Variants in NBAS observed in about 807,000 individuals in gnomAD.
NBAS encodes NAG/BC035112 fusion.
Under a neutral mutation model 302.5 loss-of-function variants are expected in NBAS, and 219 were observed. The ratio of observed to expected loss-of-function variants is 0.72; its 90% CI spans 0.65 to 0.81. The LOEUF (loss-of-function observed/expected upper bound fraction) is 0.81. NBAS is among the 30% of genes least tolerant of loss of function. The probability of loss-of-function intolerance (pLI) is 0.00; values close to 1 mark genes in which losing one functional copy is unlikely to be tolerated. For missense variants in NBAS, 2,932 were observed against 2,841.6 expected, an observed-to-expected ratio of 1.03 and a Z score of -0.72; for synonymous variants, 1,118 against 1,021.6, an observed-to-expected ratio of 1.09 and a Z score of -1.80.
At chr2:14,834,296 A>G in the NBAS span, among the ~76,000 whole-genome samples, 1 of 152,142 alleles carries the variant, frequency 6.6e-6, no homozygotes, top group African/African-American at 2.4e-5. Context: ...GAACAACCCC[A>G]TCTTTGCTGT....
At chr2:14,889,226 G>A in the NBAS span, among the ~76,000 whole-genome samples, 16 of 152,198 alleles carry the variant, frequency 1.1e-4, no homozygotes, top group Non-Finnish European at 1.5e-4. Context: ...AAGAACAGCA[G>A]CATCCTGTTT....
intron 42 of NBAS, 83 bp from the exon 43 acceptor site, chr2:15,277,184 T>C (rs773153263): frequency 6.6e-6 from 10 of 1,507,004 alleles, no homozygotes; most frequent in Admixed American, 3.9e-5. Context: ...GAAGAAACAC[T>C]ACTTCTTATA....
At chr2:15,538,504 T>C in intron 7 of NBAS, 1 of 253,174 alleles carries the variant, frequency 3.9e-6, no homozygotes, top group South Asian at 4.4e-5. Flanking sequence ...TCTCTGTGAG[T>C]AGCGCCTGGG....
At chr2:15,232,182 T>C (rs1160871977) in intron 47 of NBAS, among the ~76,000 whole-genome samples, 1 of 152,152 alleles carries the variant, frequency 6.6e-6, no homozygotes, top group Non-Finnish European at 1.5e-5. Context: ...ATGATGATTA[T>C]TATTTCTAAT....
the NBAS span, among the ~76,000 whole-genome samples, chr2:14,905,954 T>C: frequency 6.6e-6 from 1 of 152,230 alleles, no homozygotes; most frequent in Non-Finnish European, 1.5e-5. Flanking sequence ...GTCAGCTGCA[T>C]ACACTGATGA....
intron 44 of NBAS, among the ~76,000 whole-genome samples, chr2:15,267,681 A>C (rs1669140694): frequency 1.3e-5 from 2 of 152,224 alleles, no homozygotes; most frequent in South Asian, 4.1e-4. Context: ...TGTATATACC[A>C]AAAATTATAA....
intron 38 of NBAS, among the ~76,000 whole-genome samples, chr2:15,319,680 C>T (rs1168086530): frequency 6.6e-6 from 1 of 152,064 alleles, no homozygotes; most frequent in Non-Finnish European, 1.5e-5. Context: ...CATACACCCT[C>T]CCAAGACTAA....
At chr2:15,524,791 G>C (rs1007980289) in intron 9 of NBAS, among the ~76,000 whole-genome samples, 6 of 150,714 alleles carry the variant, frequency 4.0e-5, no homozygotes, top group African/African-American at 1.5e-4. Flanking sequence ...GTAGGACCTA[G>C]GTATGCATTT....
At chr2:14,812,479 AT>A in the NBAS span, among the ~76,000 whole-genome samples, 1 of 152,182 alleles carries the variant, frequency 6.6e-6, no homozygotes, top group Non-Finnish European at 1.5e-5. Context: ...CCCAGGAAGT[AT>A]TTGCTTACAT....
the NBAS span, among the ~76,000 whole-genome samples, chr2:14,897,056 C>T: frequency 6.9e-6 from 1 of 145,890 alleles, no homozygotes; most frequent in African/African-American, 2.5e-5. Flanking sequence ...AAGCCTGAGC[C>T]GTTCCTCTTT....
the NBAS span, among the ~76,000 whole-genome samples, chr2:14,935,106 T>C: frequency 5.9e-5 from 9 of 152,230 alleles, no homozygotes; most frequent in Non-Finnish European, 8.8e-5. Context: ...TTTTATTTTT[T>C]CTCCAATTAC....
chr2:15,240,412 C>G (rs1480770306), intron 44 of NBAS, among the ~76,000 whole-genome samples: 10 of 138,400 alleles, frequency 7.2e-5, no homozygotes, highest in African/African-American at 2.8e-4. Flanking sequence ...ACAATCCGGG[C>G]TAACATGGTG....
At chr2:14,781,144 A>G in the NBAS span, among the ~76,000 whole-genome samples, 31 of 152,344 alleles carry the variant, frequency 2.0e-4, 1 homozygote, top group Middle Eastern at 3.4e-3. Context: ...GATTGAAATG[A>G]TGTTGCTAAC....
rs373175155 is a variant in NBAS at position 15,330,764 on chromosome 2, T to C, written c.4181A>G (p.Asp1394Gly). ...SPLTSKAVQE[D>G]EVGVPGSNSA... is the part of the protein sequence containing the mutation. ...ATTGCTACCTGGAACACCTACTTCATCCTGTATTAAAGAAACAAAATAGCA... is the reference window on the plus strand; with the variant it reads ...ATTGCTACCTGGAACACCTACTTCACCCTGTATTAAAGAAACAAAATAGCA... Residue 1394 changes from aspartate (D) to glycine (G), a missense_variant and splice_region_variant, in exon 36 of 52, where the codon GAT (aspartate) becomes GGT (glycine). Physicochemically the swap from Asp to Gly is moderately conservative, Grantham distance 94. Coordinates refer to ENST00000281513, the MANE Select transcript of NBAS (RefSeq NM_015909.4). 2 of 1,613,698 alleles carry C rather than the reference T, an allele frequency of 1.2e-6. No individual in the cohort carries two copies. Among genetic ancestry groups the C allele is most frequent in the African/African-American group, 1.3e-5 (1 of 74,976 alleles).
chr2:15,444,540 C>T (rs1407066109), intron 21 of NBAS, among the ~76,000 whole-genome samples: 3 of 152,008 alleles, frequency 2.0e-5, no homozygotes, highest in Non-Finnish European at 2.9e-5. Context: ...AGACCTAAAA[C>T]CATAAAACCC....
At chr2:15,234,858 A>G (rs1667525400) in intron 45 of NBAS, 111 bp from the exon 46 acceptor site, 1 of 1,086,684 alleles carries the variant, frequency 9.2e-7, no homozygotes, top group Admixed American at 1.9e-5. Context: ...AAAAGCAGCA[A>G]CACCATACCA....
At chr2:15,504,014 G>A (rs957489090) in intron 11 of NBAS, 131 bp downstream of exon 11, 5 of 742,596 alleles carry the variant, frequency 6.7e-6, no homozygotes, top group Non-Finnish European at 1.2e-5. Flanking sequence ...AATGCATATA[G>A]CCACATAGTG....
chr2:15,037,968 C>G, the NBAS span, among the ~76,000 whole-genome samples: 2 of 151,942 alleles, frequency 1.3e-5, no homozygotes, highest in Admixed American at 1.3e-4. Flanking sequence ...CTGACTGTGG[C>G]CTGGTCCCAG....
chr2:15,113,436 C>T, the NBAS span, among the ~76,000 whole-genome samples: 2 of 149,838 alleles, frequency 1.3e-5, no homozygotes, highest in African/African-American at 4.9e-5. Context: ...CAAAAACAAA[C>T]CAGGACATCT....
Sources: gnomAD v4.1 joint callset for allele counts (sites outside exome capture counted in the v4.1 genomes callset) on GRCh38, gnomAD v4.1.1 for gene constraint, MANE v1.5 for transcripts, NCBI Gene and HGNC (gene_info 2026-07-23, HGNC 2026-07-21) for gene names.